The following HHAT variants were observed in gnomAD, a reference collection of about 807,000 sequenced individuals.
The protein encoded by HHAT is protein-cysteine N-palmitoyltransferase HHAT.
Under a neutral mutation model 70.8 loss-of-function variants are expected in HHAT, and 47 were observed. The ratio of observed to expected loss-of-function variants is 0.66; its 90% confidence interval spans 0.53 to 0.85. The LOEUF (loss-of-function observed/expected upper bound fraction) is 0.85, where lower values mean the gene tolerates loss of function less well. Among genes scored for constraint, HHAT ranks in the 40% least tolerant of loss-of-function variants. The probability of loss-of-function intolerance (pLI) is 0.00; values close to 1 mark genes in which losing one functional copy is unlikely to be tolerated. For missense variants in HHAT, 609 were observed against 604.8 expected (o/e 1.01, Z -0.07); for synonymous variants, 228 against 247.6 (o/e 0.92, Z 0.74).
intron 11 of HHAT, among the ~76,000 whole-genome samples, chr1:210,667,763 T>C (rs115798356): frequency 0.017 from 2,598 of 152,310 alleles, 34 homozygotes; most frequent in Middle Eastern, 0.031. Context: ...ATATAAATAA[T>C]ATATACTGTA....
At chr1:210,590,732 T>C (rs1461868821) in intron 10 of HHAT, among the ~76,000 whole-genome samples, 1 of 152,036 alleles carries the variant, frequency 6.6e-6, no homozygotes, top group Non-Finnish European at 1.5e-5. Flanking sequence ...AATGTTAATC[T>C]CATCCAGAAA....
intron 9 of HHAT, among the ~76,000 whole-genome samples, chr1:210,546,281 C>T (rs2095482748): frequency 6.6e-6 from 1 of 152,152 alleles, no homozygotes; most frequent in Non-Finnish European, 1.5e-5. Context: ...AATGCCATAC[C>T]AGGAATCTGA....
intron 10 of HHAT, among the ~76,000 whole-genome samples, chr1:210,590,792 C>T (rs555724211): frequency 6.6e-5 from 10 of 152,214 alleles, no homozygotes; most frequent in Non-Finnish European, 8.8e-5. Flanking sequence ...TATTTGGGCC[C>T]AGTCAGGTTT....
chr1:210,655,302 A>G (rs542613166), intron 11 of HHAT, among the ~76,000 whole-genome samples: 1 of 152,290 alleles, frequency 6.6e-6, no homozygotes, highest in African/African-American at 2.4e-5. Flanking sequence ...GATTGTCGCA[A>G]TCACTGAGAT....
intron 2 of HHAT, among the ~76,000 whole-genome samples, chr1:210,362,039 TTG>T (rs1251215933): frequency 1.5e-5 from 2 of 131,306 alleles, no homozygotes; most frequent in Non-Finnish European, 3.4e-5. Context: ...TGCTAGTATC[TTG>T]TACTGTGTCT....
chr1:210,585,367 AT>A (rs1488847527), intron 9 of HHAT, among the ~76,000 whole-genome samples: 1 of 152,144 alleles, frequency 6.6e-6, no homozygotes, highest in Non-Finnish European at 1.5e-5. Flanking sequence ...TAAAAAAAAA[AT>A]TATTTGGGAA....
chr1:210,526,369 T>G, intron 9 of HHAT, among the ~76,000 whole-genome samples: 1 of 32,180 alleles, frequency 3.1e-5, no homozygotes, highest in East Asian at 5.3e-4. Context: ...TGGGTTCTGT[T>G]TTTTTTTTTG....
At chr1:210,618,934 T>C (rs1168885460) in intron 10 of HHAT, among the ~76,000 whole-genome samples, 1 of 152,218 alleles carries the variant, frequency 6.6e-6, no homozygotes, top group Non-Finnish European at 1.5e-5. Context: ...TTGGTTTGGG[T>C]TGCAGTCCTT....
intron 10 of HHAT, among the ~76,000 whole-genome samples, chr1:210,597,016 G>A (rs940966007): frequency 6.6e-6 from 1 of 152,128 alleles, no homozygotes; most frequent in Non-Finnish European, 1.5e-5. Flanking sequence ...CTAAGTTTTC[G>A]GTTGCTCTAA....
chr1:210,478,853 A>G (rs935571725), intron 8 of HHAT, among the ~76,000 whole-genome samples: 1 of 152,158 alleles, frequency 6.6e-6, no homozygotes, highest in Non-Finnish European at 1.5e-5. Context: ...GGAATGTGTC[A>G]TGAAATGTTT....
intron 6 of HHAT, among the ~76,000 whole-genome samples, chr1:210,414,398 G>C (rs1368567005): frequency 6.6e-6 from 1 of 152,158 alleles, no homozygotes; most frequent in African/African-American, 2.4e-5. Context: ...TCTTTTGCTA[G>C]TGGTTATTAG....
chr1:210,459,464 G>T, intron 7 of HHAT, among the ~76,000 whole-genome samples: 1 of 152,138 alleles, frequency 6.6e-6, no homozygotes, highest in East Asian at 1.9e-4. Flanking sequence ...AGGAACCTAC[G>T]GTCTTAAGCT....
Position 210,638,621 on chromosome 1 carries a change from C to A in HHAT, c.1390+14951C>A, listed in dbSNP as rs180751665. ...TGGGGCTTGGTATGGTTGCCTATGC[C>A]CATAATCTTAGCACTTTGGCAGGTT... On this transcript the variant is annotated intron_variant, in intron 11 of 11. Coordinates refer to ENST00000261458, the MANE Select transcript of HHAT (RefSeq NM_018194.6). 5.1e-4 allele frequency among the ~76,000 whole-genome samples: 76 copies of A among 148,816 alleles called. No individual in the cohort carries two copies. The Middle Eastern group carries it at 0.011, about 21-fold the overall frequency.
chr1:210,659,555 C>G (rs1677192299), intron 11 of HHAT, among the ~76,000 whole-genome samples: 1 of 152,190 alleles, frequency 6.6e-6, no homozygotes, highest in South Asian at 2.1e-4. Flanking sequence ...GGAATCCCCC[C>G]TAACTCATTT....
chr1:210,646,504 G>C (rs12060387), intron 11 of HHAT, among the ~76,000 whole-genome samples: 1 of 152,070 alleles, frequency 6.6e-6, no homozygotes, highest in African/African-American at 2.4e-5. Context: ...ACAAAAGCCC[G>C]TAAGACAAGA....
intron 9 of HHAT, among the ~76,000 whole-genome samples, chr1:210,574,901 C>G (rs1377293802): frequency 6.6e-6 from 1 of 152,188 alleles, no homozygotes; most frequent in Non-Finnish European, 1.5e-5. Context: ...GAACATTTTC[C>G]TAACAGCCAT....
chr1:210,409,678 A>G (rs1051052756), intron 6 of HHAT, among the ~76,000 whole-genome samples: 1 of 152,234 alleles, frequency 6.6e-6, no homozygotes, highest in African/African-American at 2.4e-5. Flanking sequence ...GCTCACAAAC[A>G]TATGTATTAT....
intron 11 of HHAT, among the ~76,000 whole-genome samples, chr1:210,626,403 G>A (rs972840938): frequency 2.6e-5 from 4 of 152,158 alleles, no homozygotes; most frequent in Admixed American, 2.6e-4. Context: ...CTATAAAAGT[G>A]GAGGGCTCTG....
At chr1:210,503,956 G>C (rs1194310783) in intron 8 of HHAT, among the ~76,000 whole-genome samples, 1 of 152,290 alleles carries the variant, frequency 6.6e-6, no homozygotes, top group East Asian at 1.9e-4. Flanking sequence ...AAGATCTTGG[G>C]TTAAGCAAAG....
Sources: allele counts gnomAD v4.1 joint callset (sites outside exome capture counted in the v4.1 genomes callset), GRCh38; gene constraint gnomAD v4.1.1; transcripts MANE v1.5; gene names NCBI Gene and HGNC (gene_info 2026-07-23, HGNC 2026-07-21).